Variants in NUDT9 observed in about 807,000 individuals in gnomAD.
NUDT9 encodes the protein nudix hydrolase 9, also known as ADP-ribose pyrophosphatase.
Under a neutral mutation model 41.0 loss-of-function variants are expected in NUDT9, and 31 were observed. The ratio of observed to expected loss-of-function variants is 0.76; its 90% CI spans 0.57 to 1.02. The LOEUF is 1.02. Among genes scored for constraint, NUDT9 ranks in the 50% least tolerant of loss-of-function variants. The probability of loss-of-function intolerance (pLI) is 0.00; values close to 1 mark genes in which losing one functional copy is unlikely to be tolerated. For missense variants in NUDT9, 380 were observed against 431.4 expected, an observed-to-expected ratio of 0.88 and a Z score of 1.06; for synonymous variants, 146 against 147.6, an observed-to-expected ratio of 0.99 and a Z score of 0.08.
At chr4:87,436,024 C>CTG (rs1721919390) in intron 2 of NUDT9, among the ~76,000 whole-genome samples, 1 of 152,004 alleles carries the variant, frequency 6.6e-6, no homozygotes, top group Non-Finnish European at 1.5e-5. Context: ...GGTGCTCTCT[C>CTG]TCTCTGTCAC....
At position 87,441,825 on chromosome 4, in the gene NUDT9, C is replaced by G. The variant is rs898387728; in HGVS notation, c.444-4C>G. ...TTGATTTTATGCTTTTTTTGTTTTTCCAGAAATCCTGCAGGACGGACTGGA... is the reference window on the plus strand; with the variant it reads ...TTGATTTTATGCTTTTTTTGTTTTTGCAGAAATCCTGCAGGACGGACTGGA... On this transcript the variant is annotated splice_polypyrimidine_tract_variant and splice_region_variant and intron_variant, in intron 3 of 7. Coordinates refer to ENST00000302174, the MANE Select transcript of NUDT9 (RefSeq NM_024047.5). 6.2e-7 allele frequency: 1 copy of G among 1,611,428 alleles called. No individual in the cohort carries two copies. Among genetic ancestry groups the G allele is most frequent in the Non-Finnish European group, 8.5e-7 (1 of 1,178,790 alleles).
In NUDT9 at chr4:87,438,344, C is replaced by G; in HGVS notation, c.415C>G (p.Leu139Val). 1 of 1,610,084 alleles carries G rather than the reference C, an allele frequency of 6.2e-7. No individual in the cohort carries two copies. Among genetic ancestry groups the G allele is most frequent in the Non-Finnish European group, 8.5e-7 (1 of 1,176,884 alleles). Reference protein sequence around the residue: ...GHVERKSKNGLYEIENGRPRN... With the variant: ...GHVERKSKNGVYEIENGRPRN... ...TGTTGAGAGAAAGAGCAAGAATGGC[C>G]TGTATGAGATTGAAAATGGAAGACC... is the stretch of plus-strand genomic sequence containing the variant. The change falls in exon 3 of 8, where the codon CTG becomes GTG. Residue 139 changes from leucine to valine, a missense_variant. Leu to Val is a conservative substitution (Grantham distance 32). Coordinates refer to ENST00000302174, the MANE Select transcript of NUDT9 (RefSeq NM_024047.5).
chr4:87,448,557 G>T (rs956773483), intron 4 of NUDT9, among the ~76,000 whole-genome samples: 4 of 151,810 alleles, frequency 2.6e-5, no homozygotes, highest in Non-Finnish European at 5.9e-5. Context: ...TCTTATCTCA[G>T]TGCAACCTTA....
chr4:87,457,255 G>A (rs903632811), intron 7 of NUDT9, among the ~76,000 whole-genome samples: 2 of 40,128 alleles, frequency 5.0e-5, no homozygotes, highest in Admixed American at 2.9e-4. Context: ...TTTTTTTTTT[G>A]AGGTGGAGTC....
At chr4:87,448,826 C>A (rs1722585118) in intron 4 of NUDT9, among the ~76,000 whole-genome samples, 1 of 152,062 alleles carries the variant, frequency 6.6e-6, no homozygotes, top group African/African-American at 2.4e-5. Context: ...CTTTGATAAC[C>A]TTTTCTTTAA....
chr4:87,446,804 A>T (rs1722481396), intron 4 of NUDT9, among the ~76,000 whole-genome samples: 1 of 152,090 alleles, frequency 6.6e-6, no homozygotes, highest in Admixed American at 6.6e-5. Flanking sequence ...ACAGTGTTTT[A>T]TATATATATA....
chr4:87,445,491 T>C (rs1447417775), intron 4 of NUDT9: 1 of 152,176 alleles, frequency 6.6e-6, no homozygotes, highest in Non-Finnish European at 1.5e-5. Flanking sequence ...CAGGCATCTC[T>C]CCTAGAGATT....
At chr4:87,441,307 G>A (rs925439526) in intron 3 of NUDT9, among the ~76,000 whole-genome samples, 7 of 152,176 alleles carry the variant, frequency 4.6e-5, no homozygotes, top group Non-Finnish European at 8.8e-5. Context: ...TTATAAAATT[G>A]TATTTTAGTC....
rs1162609967 is a variant in NUDT9, at chr4:87,435,086, A to C, written c.213A>C (p.Pro71=). The change falls in exon 2 of 8, where the codon CCA becomes CCC. Residue 71 remains proline (P), a synonymous_variant. Coordinates refer to ENST00000302174, the MANE Select transcript of NUDT9 (RefSeq NM_024047.5). ...SHNKARTSPY[P]GSKVERSQVP... ...ATAAGGCTCGGACGTCTCCTTACCC[A>C]GGTTCAAAAGTTGAACGAAGCCAGG... 3 of 1,614,118 alleles carry C rather than the reference A, an allele frequency of 1.9e-6. No homozygotes were observed. Among genetic ancestry groups the C allele is most frequent in the Non-Finnish European group, 2.5e-6 (3 of 1,180,056 alleles).
At chr4:87,425,987 T>C (rs1043380683) in intron 1 of NUDT9, among the ~76,000 whole-genome samples, 3 of 151,966 alleles carry the variant, frequency 2.0e-5, no homozygotes, top group Non-Finnish European at 4.4e-5. Context: ...AAAATTTATT[T>C]ATTGTTTGTA....
At position 87,432,165 on chromosome 4, in the gene NUDT9, C is replaced by T. The variant is rs1018362563; in HGVS notation, c.108-2816C>T. Among the ~76,000 whole-genome samples the T allele has an allele frequency of 4.6e-5, 7 of 152,162 alleles. No individual in the cohort carries two copies. The South Asian group carries it at 6.2e-4, about 14-fold the overall frequency. On this transcript the variant is annotated intron_variant, in intron 1 of 7. Transcript: ENST00000302174. ...TTATCTAAAATGCTTGAGACCAGAG[C>T]GGTTTGGATTTCAGGTTTTGGAATA...
At chr4:87,437,410 G>A (rs917326189) in intron 2 of NUDT9, among the ~76,000 whole-genome samples, 7 of 151,834 alleles carry the variant, frequency 4.6e-5, no homozygotes, top group Admixed American at 1.3e-4. Context: ...GCGCCATCTC[G>A]GCTCACTGGA....
intron 1 of NUDT9, among the ~76,000 whole-genome samples, chr4:87,425,714 A>G (rs1339856570): frequency 7.5e-5 from 6 of 80,132 alleles, no homozygotes; most frequent in African/African-American, 1.2e-4. Context: ...GTCTCTTTGA[A>G]AAAAAAAAAA....
chr4:87,433,290 T>A (rs1161664782), intron 1 of NUDT9, among the ~76,000 whole-genome samples: 2 of 152,210 alleles, frequency 1.3e-5, no homozygotes, highest in Non-Finnish European at 2.9e-5. Context: ...AATTGTCATG[T>A]CTTTTTAGTC....
At position 87,423,010 on chromosome 4, in the gene NUDT9, C is replaced by A. The variant is rs1467361197; in HGVS notation, c.105C>A (p.Phe35Leu). 6.2e-7 allele frequency: 1 copy of A among 1,611,934 alleles called. No homozygotes were observed. The highest frequency in any genetic ancestry group is 1.1e-5 in the South Asian group (1 of 90,808). The stretch of plus-strand genomic sequence containing the variant: ...CGCGCTGCCGCGGCATCCAGGCGTT[C>A]AGGTATTCCACCCTCCTACTACCGG... ...RSSRCRGIQA[F>L]RNSFSSSWFH... The change falls in exon 1 of 8, where the codon TTC becomes TTA. Residue 35 changes from phenylalanine to leucine, a missense_variant and splice_region_variant. Phe to Leu is a conservative substitution (Grantham distance 22). Transcript: ENST00000302174.
chr4:87,431,964 G>A (rs1056828207), intron 1 of NUDT9, among the ~76,000 whole-genome samples: 25 of 152,198 alleles, frequency 1.6e-4, no homozygotes, highest in Non-Finnish European at 1.6e-4. Context: ...GAGATTACAG[G>A]CATGAGCCAG....
chr4:87,433,798 A>G (rs2110166390), intron 1 of NUDT9, among the ~76,000 whole-genome samples: 1 of 152,296 alleles, frequency 6.6e-6, no homozygotes, highest in South Asian at 2.1e-4. Context: ...TTTCTTTTGC[A>G]TATGCTATCC....
rs1723060777 is a variant in NUDT9 at position 87,457,954 on chromosome 4, A to G, written c.986A>G (p.Lys329Arg). The G allele has an allele frequency of 2.5e-6, 4 of 1,595,834 alleles. No homozygotes were observed. The highest frequency in any genetic ancestry group is 2.3e-5 in the East Asian group (1 of 43,796). The change falls in exon 8 of 8, where the codon AAA becomes AGA. Residue 329 changes from lysine to arginine, a missense_variant. Coordinates refer to ENST00000302174, the MANE Select transcript of NUDT9 (RefSeq NM_024047.5). ...TATGCCAGTCACTCTCAATTCATCA[A>G]ACTTGTGGCTGAGAAACGAGATGCA... ...KLYASHSQFI[K>R]LVAEKRDAHW...
At chr4:87,427,370 C>T (rs1028123326) in intron 1 of NUDT9, among the ~76,000 whole-genome samples, 3 of 152,140 alleles carry the variant, frequency 2.0e-5, no homozygotes, top group African/African-American at 7.2e-5. Context: ...TACTTAGTTC[C>T]CATTTGCTAG....
Sources: gnomAD v4.1 joint callset for allele counts (sites outside exome capture counted in the v4.1 genomes callset) on GRCh38, gnomAD v4.1.1 for gene constraint, MANE v1.5 for transcripts, NCBI Gene and HGNC (gene_info 2026-07-23, HGNC 2026-07-21) for gene names.